The following HMBOX1 variants were observed in gnomAD, a reference collection of about 807,000 sequenced individuals.
HMBOX1 encodes homeobox-containing protein 1.
HMBOX1 carries 14 observed loss-of-function variants against 54.5 expected under a neutral mutation model. The observed-to-expected ratio is 0.26, with a 90% confidence interval of 0.17 to 0.40. The LOEUF (loss-of-function observed/expected upper bound fraction) is 0.40. HMBOX1 is among the 10% of genes least tolerant of loss of function. The probability of loss-of-function intolerance (pLI) is 1.00; values close to 1 mark genes in which losing one functional copy is unlikely to be tolerated. For missense variants in HMBOX1, 332 were observed against 514.4 expected (o/e 0.65, Z 3.43); for synonymous variants, 160 against 181.0 (o/e 0.88, Z 0.93).
intron 6 of HMBOX1, among the ~76,000 whole-genome samples, chr8:29,041,354 G>C (rs1804788824): frequency 6.6e-6 from 1 of 152,086 alleles, no homozygotes. Context: ...GCCTTCTCTT[G>C]TTAGCAGTTC....
At chr8:28,965,088 A>T (rs964359310) in intron 2 of HMBOX1, among the ~76,000 whole-genome samples, 14 of 152,260 alleles carry the variant, frequency 9.2e-5, no homozygotes, top group Admixed American at 3.3e-4. Flanking sequence ...TAAGATGTCT[A>T]ATAGTTACTG....
chr8:28,955,779 C>G (rs1264981586), intron 1 of HMBOX1: 1 of 151,838 alleles, frequency 6.6e-6, no homozygotes, highest in Non-Finnish European at 1.5e-5. Flanking sequence ...GTGGTGAAAC[C>G]CTGTCTCTAC....
intron 1 of HMBOX1, among the ~76,000 whole-genome samples, chr8:28,960,978 G>A (rs1825490465): frequency 6.6e-6 from 1 of 151,162 alleles, no homozygotes; most frequent in Admixed American, 6.6e-5. Flanking sequence ...GTAGAGACGG[G>A]GTTTCACCAT....
intron 4 of HMBOX1, among the ~76,000 whole-genome samples, chr8:28,991,946 A>G (rs1246320986): frequency 2.0e-5 from 3 of 152,190 alleles, no homozygotes; most frequent in Non-Finnish European, 4.4e-5. Flanking sequence ...CAACTGTTTT[A>G]TGTACTTGAG....
chr8:28,985,464 A>G (rs1283866971), intron 4 of HMBOX1, among the ~76,000 whole-genome samples: 1 of 152,202 alleles, frequency 6.6e-6, no homozygotes, highest in African/African-American at 2.4e-5. Flanking sequence ...ATTCAACCAT[A>G]GCAGCTTCTA....
intron 1 of HMBOX1, among the ~76,000 whole-genome samples, chr8:28,907,021 A>G (rs1248343874): frequency 1.3e-5 from 2 of 152,170 alleles, no homozygotes; most frequent in Non-Finnish European, 2.9e-5. Flanking sequence ...TTATTGAAAA[A>G]TGTTATCAAA....
At chr8:29,009,260 A>G (rs1833890557) in intron 5 of HMBOX1, 78 bp downstream of exon 5, 2 of 1,243,560 alleles carry the variant, frequency 1.6e-6, no homozygotes, top group Non-Finnish European at 2.3e-6. Context: ...TCCATGTGCT[A>G]ACTTGTTCAG....
At chr8:28,938,993 T>A (rs1457235619) in intron 1 of HMBOX1, among the ~76,000 whole-genome samples, 1 of 151,916 alleles carries the variant, frequency 6.6e-6, no homozygotes, top group Non-Finnish European at 1.5e-5. Context: ...TTTGTCTCTT[T>A]AAAAAAACAA....
At chr8:29,005,990 A>AT (rs775589443) in intron 4 of HMBOX1, among the ~76,000 whole-genome samples, 13,408 of 120,844 alleles carry the variant, frequency 0.11, 1,132 homozygotes, top group East Asian at 0.23. Context: ...GATGCATTCT[A>AT]TTTTTTTTTT....
chr8:28,920,641 G>T (rs1296027100), intron 1 of HMBOX1, among the ~76,000 whole-genome samples: 1 of 152,194 alleles, frequency 6.6e-6, no homozygotes, highest in East Asian at 1.9e-4. Flanking sequence ...TAGGTTTACT[G>T]TCTGATGAAA....
At chr8:29,028,874 A>G (rs1349760494) in intron 6 of HMBOX1, among the ~76,000 whole-genome samples, 5 of 152,096 alleles carry the variant, frequency 3.3e-5, no homozygotes, top group African/African-American at 7.2e-5. Flanking sequence ...AACCTGCCCT[A>G]TTTTCCTAGT....
At position 28,899,799 on chromosome 8, in the gene HMBOX1, GAT is replaced by G. The variant is rs369364282; in HGVS notation, c.-58+9123_-58+9124del. ...TTTTTAGAAATAAGTACAAGTCAAG[GAT>G]AGGCAACTAAGGAACCTAGAAGATT... On this transcript the variant is annotated intron_variant, in intron 1 of 9. Transcript: ENST00000287701. 1.7e-3 allele frequency among the ~76,000 whole-genome samples: 253 copies of G among 152,250 alleles called. 1 individual carries two copies. The highest frequency in any genetic ancestry group is 5.5e-3 in the African/African-American group (229 of 41,532).
chr8:28,910,630 G>C (rs923702871), intron 1 of HMBOX1, among the ~76,000 whole-genome samples: 2 of 152,134 alleles, frequency 1.3e-5, no homozygotes, highest in African/African-American at 4.8e-5. Context: ...TAATGATGTT[G>C]AGCATGTTTT....
At chr8:28,930,944 GTA>G (rs1819380756) in intron 1 of HMBOX1, among the ~76,000 whole-genome samples, 1 of 152,088 alleles carries the variant, frequency 6.6e-6, no homozygotes, top group African/African-American at 2.4e-5. Flanking sequence ...ACCTAGCTGT[GTA>G]TTCTGAATAT....
chr8:29,048,858 T>G (rs988261951), intron 8 of HMBOX1, 96 bp from the exon 9 acceptor site: 10 of 784,502 alleles, frequency 1.3e-5, no homozygotes, highest in Non-Finnish European at 2.1e-5. Context: ...TTTAATTACA[T>G]TCTAATTAAT....
At chr8:28,941,004 T>A (rs1391469990) in intron 1 of HMBOX1, among the ~76,000 whole-genome samples, 1 of 152,192 alleles carries the variant, frequency 6.6e-6, no homozygotes, top group Non-Finnish European at 1.5e-5. Flanking sequence ...TCTTTTATAT[T>A]TTACTTTTTG....
At chr8:28,926,304 T>TATATATAC (rs796953426) in intron 1 of HMBOX1, among the ~76,000 whole-genome samples, 8 of 142,138 alleles carry the variant, frequency 5.6e-5, no homozygotes, top group African/African-American at 1.6e-4. Context: ...TATATATATA[T>TATATATAC]ACACACACAC....
rs1281679900 is a variant in HMBOX1, at chr8:28,970,081, G to A, written c.62G>A (p.Arg21Lys). The A allele has an allele frequency of 4.3e-6, 7 of 1,613,586 alleles. No individual in the cohort carries two copies. Among genetic ancestry groups the A allele is most frequent in the Non-Finnish European group, 5.1e-6 (6 of 1,179,736 alleles). ...ATGTCTCATTATACAGATGAACCCA[G>A]ATTTACCATAGAGCAGATAGATCTG... Reference protein sequence around the residue: ...ETMSHYTDEPRFTIEQIDLLQ... With the variant: ...ETMSHYTDEPKFTIEQIDLLQ... Residue 21 changes from arginine (R) to lysine (K), a missense_variant, in exon 3 of 10, where the codon AGA becomes AAA. Arg to Lys is a conservative substitution (Grantham distance 26). This residue lies in a region of HMBOX1 where 146 missense variants were observed against 173.3 expected (regional missense o/e 0.84). Coordinates refer to ENST00000287701, the MANE Select transcript of HMBOX1 (RefSeq NM_001135726.3). The surrounding 1 kb of genome is among the most constrained non-coding windows in gnomAD (Gnocchi z 4.3).
chr8:28,940,062 G>A (rs1821097565), intron 1 of HMBOX1, among the ~76,000 whole-genome samples: 1 of 151,964 alleles, frequency 6.6e-6, no homozygotes, highest in South Asian at 2.1e-4. Context: ...GAAACAGAGT[G>A]CAATGGTGCT....
Sources: allele counts gnomAD v4.1 joint callset (sites outside exome capture counted in the v4.1 genomes callset), GRCh38; gene constraint gnomAD v4.1.1; regional missense constraint gnomAD v4.1.1; non-coding constraint Gnocchi (gnomAD v3.1); transcripts MANE v1.5; gene names NCBI Gene and HGNC (gene_info 2026-07-23, HGNC 2026-07-21).